Variants in DOCK4 observed in about 807,000 individuals in gnomAD.
The protein encoded by DOCK4 is dedicator of cytokinesis 4.
In DOCK4, 97 loss-of-function variants were observed where a neutral mutation model predicts 268.1. That is an observed-to-expected ratio of 0.36 (90% CI 0.31 to 0.43). The LOEUF is 0.43. Ranked by LOEUF, DOCK4 falls within the 20% of genes least tolerant of loss-of-function variation. DOCK4 has a pLI of 1.00. For missense variants in DOCK4, 2,145 were observed against 2,455.7 expected (o/e 0.87, Z 2.67); for synonymous variants, 954 against 887.2 (o/e 1.08, Z -1.34).
At chr7:112,048,544 C>T (rs765275167) in intron 1 of DOCK4, among the ~76,000 whole-genome samples, 9 of 150,708 alleles carry the variant, frequency 6.0e-5, no homozygotes, top group East Asian at 2.0e-4. Context: ...GCATGGGCGA[C>T]GGAGTGAGAC....
At chr7:111,749,741 A>G (rs750725040) in intron 42 of DOCK4, among the ~76,000 whole-genome samples, 1 of 152,250 alleles carries the variant, frequency 6.6e-6, no homozygotes, top group African/African-American at 2.4e-5. Context: ...ATCTTCACTT[A>G]GCATTCAAAA....
chr7:112,108,934 G>T (rs547510979), intron 1 of DOCK4, among the ~76,000 whole-genome samples: 1 of 152,094 alleles, frequency 6.6e-6, no homozygotes, highest in Non-Finnish European at 1.5e-5. Context: ...GGATGTAAAG[G>T]TGACAAATCT....
chr7:112,162,096 G>T (rs1817180428), intron 1 of DOCK4, among the ~76,000 whole-genome samples: 1 of 152,168 alleles, frequency 6.6e-6, no homozygotes, highest in African/African-American at 2.4e-5. Context: ...TTTTATATGT[G>T]TCACAATTTT....
At chr7:111,863,947 A>C (rs1805764748) in intron 22 of DOCK4, among the ~76,000 whole-genome samples, 1 of 152,218 alleles carries the variant, frequency 6.6e-6, no homozygotes, top group African/African-American at 2.4e-5. Context: ...TGCTCACTTA[A>C]ATCTCATTCA....
At chr7:111,937,442 T>TA (rs968130472) in intron 11 of DOCK4, among the ~76,000 whole-genome samples, 19 of 151,156 alleles carry the variant, frequency 1.3e-4, no homozygotes, top group Admixed American at 3.3e-4. Context: ...AAGCAGACAA[T>TA]AAAAAAAAAC....
In DOCK4 at chr7:111,899,510, A is replaced by C. The variant is rs773375760; in HGVS notation, c.1480+864T>G. On this transcript the variant is annotated intron_variant, in intron 15 of 52. Coordinates refer to ENST00000428084, the MANE Select transcript of DOCK4 (RefSeq NM_001363540.2). The stretch of plus-strand genomic sequence containing the variant: ...AGTTGGGGGAGAGAGATGGGGCTTG[A>C]GAGGGTGGTAATGAATGCAAAAAAA... Among the ~76,000 whole-genome samples the C allele has an allele frequency of 5.3e-5, 8 of 152,320 alleles. 1 individual carries two copies. In the South Asian group the frequency reaches 6.2e-4, roughly 12 times the overall value.
At chr7:112,150,014 C>T (rs1815906635) in intron 1 of DOCK4, among the ~76,000 whole-genome samples, 1 of 152,166 alleles carries the variant, frequency 6.6e-6, no homozygotes, top group African/African-American at 2.4e-5. Flanking sequence ...TCGAATCCTT[C>T]CAAAAGCACT....
At chr7:112,135,187 G>A (rs889991890) in intron 1 of DOCK4, among the ~76,000 whole-genome samples, 4 of 152,142 alleles carry the variant, frequency 2.6e-5, no homozygotes, top group African/African-American at 9.6e-5. Context: ...TAAATTGAAA[G>A]TTGGTATATT....
chr7:112,200,725 T>TAAAA (rs1335683859), intron 1 of DOCK4, among the ~76,000 whole-genome samples: 10,859 of 102,136 alleles, frequency 0.11, 1,538 homozygotes, highest in Non-Finnish European at 0.16. Context: ...GCCTCTAAAA[T>TAAAA]AAAAAAAAAA....
intron 1 of DOCK4, among the ~76,000 whole-genome samples, chr7:112,028,713 C>T (rs958721460): frequency 3.3e-5 from 5 of 152,208 alleles, no homozygotes; most frequent in Admixed American, 1.3e-4. Flanking sequence ...CAGTGCTCTG[C>T]TCTCTGACAC....
intron 1 of DOCK4, among the ~76,000 whole-genome samples, chr7:112,097,360 G>T (rs1257414650): frequency 7.2e-5 from 11 of 152,228 alleles, no homozygotes; most frequent in Admixed American, 5.2e-4. Context: ...GACCACTTGA[G>T]CCCAGGAGTT....
chr7:111,937,175 G>A (rs768162602), intron 11 of DOCK4, among the ~76,000 whole-genome samples: 7 of 152,164 alleles, frequency 4.6e-5, no homozygotes, highest in South Asian at 2.1e-4. Context: ...GGCTCAGGCA[G>A]GCATTTGCTA....
chr7:112,033,221 G>A (rs759915579), intron 1 of DOCK4, among the ~76,000 whole-genome samples: 42 of 151,928 alleles, frequency 2.8e-4, no homozygotes, highest in African/African-American at 9.7e-4. Flanking sequence ...TTGTTCTAGA[G>A]TAGAAAAAAA....
chr7:112,000,415 C>A lies in DOCK4; in HGVS notation c.162+79G>T. Reference sequence around the variant, plus strand: ...TTCAACTGAGTCCCAACTGTAATTTCAATTGTATAAAGAAATAATTTAAAT... The same window carrying A: ...TTCAACTGAGTCCCAACTGTAATTTAAATTGTATAAAGAAATAATTTAAAT... On this transcript the variant is annotated intron_variant, in intron 3 of 52. Coordinates refer to ENST00000428084, the MANE Select transcript of DOCK4 (RefSeq NM_001363540.2). 3 of 971,138 alleles carry A rather than the reference C, an allele frequency of 3.1e-6. No homozygotes were observed. The East Asian group carries it at 8.1e-5, about 26-fold the overall frequency. 60.2% of individuals were successfully genotyped at this position (971,138 alleles called of 1,614,324 possible).
chr7:112,000,305 T>C (rs1800317897), intron 3 of DOCK4, among the ~76,000 whole-genome samples, 189 bp downstream of exon 3: 1 of 152,252 alleles, frequency 6.6e-6, no homozygotes, highest in East Asian at 1.9e-4. Flanking sequence ...CTAAATAGGA[T>C]TATCATTTGA....
chr7:111,961,246 T>C (rs1278004924), intron 8 of DOCK4, among the ~76,000 whole-genome samples: 6 of 152,214 alleles, frequency 3.9e-5, no homozygotes, highest in African/African-American at 1.4e-4. Flanking sequence ...TTACACCCAT[T>C]TCACTTCCTT....
chr7:111,872,404 TC>T (rs1189993767), intron 18 of DOCK4, 52 bp from the exon 19 acceptor site: 1 of 1,530,458 alleles, frequency 6.5e-7, no homozygotes, highest in Non-Finnish European at 8.8e-7. Context: ...TCTGTCTTTT[TC>T]CTCCAAATGT....
chr7:111,960,661 A>G (rs1427803388), intron 8 of DOCK4, among the ~76,000 whole-genome samples: 1 of 151,434 alleles, frequency 6.6e-6, no homozygotes, highest in African/African-American at 2.4e-5. Flanking sequence ...ATTCCTCCTA[A>G]CTGAAATTTT....
At chr7:111,737,586 G>A (rs1452351060) in intron 49 of DOCK4, among the ~76,000 whole-genome samples, 1 of 152,130 alleles carries the variant, frequency 6.6e-6, no homozygotes, top group East Asian at 1.9e-4. Context: ...TGAAATAATT[G>A]ATAGTCTACA....
Sources: gnomAD v4.1 joint callset for allele counts (sites outside exome capture counted in the v4.1 genomes callset) on GRCh38, gnomAD v4.1.1 for gene constraint, MANE v1.5 for transcripts, NCBI Gene and HGNC (gene_info 2026-07-23, HGNC 2026-07-21) for gene names.